Variants in CDH20 observed in about 807,000 individuals in gnomAD.
The protein encoded by CDH20 is cadherin-20.
In CDH20, 29 loss-of-function variants were observed where a neutral mutation model predicts 74.2. That is an observed-to-expected ratio of 0.39 (90% CI 0.29 to 0.53). The LOEUF is 0.53. Ranked by LOEUF, CDH20 falls within the 20% of genes least tolerant of loss-of-function variation. The pLI, the probability that CDH20 is intolerant of heterozygous loss-of-function variation, is 0.69. For synonymous variants in CDH20, 469 were observed against 405.4 expected (o/e 1.16, Z -1.88); for missense variants, 988 against 1,048.3 (o/e 0.94, Z 0.79).
At chr18:61,554,118 AGAC>A (rs1913533062) in intron 11 of CDH20, 69 bp from the exon 12 acceptor site, 1 of 1,539,842 alleles carries the variant, frequency 6.5e-7, no homozygotes, top group Non-Finnish European at 8.8e-7. Context: ...TGGTGAATCA[AGAC>A]TACTTCTAGT....
At chr18:61,442,004 C>T (rs1001945209) in intron 1 of CDH20, among the ~76,000 whole-genome samples, 1 of 152,084 alleles carries the variant, frequency 6.6e-6, no homozygotes, top group African/African-American at 2.4e-5. Flanking sequence ...TCTCTCAGTT[C>T]AGGACCCACA....
At chr18:61,464,892 A>G (rs1235937496) in intron 1 of CDH20, among the ~76,000 whole-genome samples, 1 of 152,226 alleles carries the variant, frequency 6.6e-6, no homozygotes, top group Non-Finnish European at 1.5e-5. Flanking sequence ...CATGGTCTAG[A>G]TGTGAATGAT....
chr18:61,528,936 T>C lies in CDH20; in HGVS notation c.1271+716T>C, dbSNP rs114870961. Reference sequence around the variant, plus strand: ...TCAGCAACTTCAATGCCTTGTAGACTGGCCAGACAGATGGGTCTTTGTATG... The same window carrying C: ...TCAGCAACTTCAATGCCTTGTAGACCGGCCAGACAGATGGGTCTTTGTATG... On this transcript the variant is annotated intron_variant, in intron 7 of 11. Transcript: ENST00000262717. 8.7e-3 allele frequency among the ~76,000 whole-genome samples: 1,329 copies of C among 152,336 alleles called. 25 individuals are homozygous for C. Among genetic ancestry groups the C allele is most frequent in the African/African-American group, 0.03 (1,264 of 41,574 alleles).
chr18:61,552,234 C>A (rs1913462264), intron 11 of CDH20, among the ~76,000 whole-genome samples: 1 of 151,534 alleles, frequency 6.6e-6, no homozygotes. Context: ...ATAAGCTCTA[C>A]GCACCGTGCC....
intron 1 of CDH20, among the ~76,000 whole-genome samples, chr18:61,445,766 A>T (rs1909180041): frequency 6.6e-6 from 1 of 152,218 alleles, no homozygotes; most frequent in African/African-American, 2.4e-5. Flanking sequence ...ATAATCATTT[A>T]TCTTTCTCAC....
intron 1 of CDH20, among the ~76,000 whole-genome samples, chr18:61,480,318 A>G (rs1910545117): frequency 6.6e-6 from 1 of 152,178 alleles, no homozygotes; most frequent in Admixed American, 6.5e-5. Context: ...TAATTTAGAA[A>G]GTTTATTTTG....
intron 1 of CDH20, among the ~76,000 whole-genome samples, chr18:61,466,671 A>G (rs944384706): frequency 6.6e-6 from 1 of 152,220 alleles, no homozygotes; most frequent in Non-Finnish European, 1.5e-5. Flanking sequence ...CTAACCTAGT[A>G]AAGTTTTGGG....
intron 1 of CDH20, among the ~76,000 whole-genome samples, chr18:61,418,951 A>G (rs921243099): frequency 4.6e-5 from 7 of 152,156 alleles, no homozygotes; most frequent in Non-Finnish European, 1.0e-4. Context: ...TTTTATTTGA[A>G]TTTGATAAAT....
intron 1 of CDH20, among the ~76,000 whole-genome samples, chr18:61,431,808 G>C (rs1177933663): frequency 6.6e-6 from 1 of 152,068 alleles, no homozygotes; most frequent in African/African-American, 2.4e-5. Context: ...CCTTTATCTG[G>C]TTTTTGTAGC....
Position 61,474,572 on chromosome 18 carries a change from G to A in CDH20, c.-152-15830G>A, listed in dbSNP as rs561966157. 1.1e-4 allele frequency among the ~76,000 whole-genome samples: 16 copies of A among 152,114 alleles called. No individual in the cohort carries two copies. In the East Asian group the frequency reaches 1.4e-3, roughly 13 times the overall value. On this transcript the variant is annotated intron_variant, in intron 1 of 11. Coordinates refer to ENST00000262717, the MANE Select transcript of CDH20 (RefSeq NM_031891.4). ...CGGGATTCTACTCTTTTAATATTGC[G>A]GTACAAGTGCCAAGATTCTCTTCAA...
chr18:61,476,877 A>T (rs1385483121), intron 1 of CDH20, among the ~76,000 whole-genome samples: 1 of 152,186 alleles, frequency 6.6e-6, no homozygotes, highest in African/African-American at 2.4e-5. Context: ...GTTAACATAG[A>T]ACTTCCCAAG....
At chr18:61,461,426 C>T (rs1227305847) in intron 1 of CDH20, among the ~76,000 whole-genome samples, 2 of 152,000 alleles carry the variant, frequency 1.3e-5, no homozygotes, top group African/African-American at 4.8e-5. Context: ...CCCTCCACAG[C>T]CACTAGGGGA....
chr18:61,538,253 C>G, intron 8 of CDH20, among the ~76,000 whole-genome samples: 1 of 152,198 alleles, frequency 6.6e-6, no homozygotes. Context: ...CAGTGCCACA[C>G]AGTATGCATC....
intron 1 of CDH20, among the ~76,000 whole-genome samples, chr18:61,356,584 CTTATTT>C (rs1186066796): frequency 6.6e-6 from 1 of 152,126 alleles, no homozygotes; most frequent in Non-Finnish European, 1.5e-5. Context: ...TACTTTGGTT[CTTATTT>C]TAATTCCCAA....
intron 1 of CDH20, among the ~76,000 whole-genome samples, chr18:61,399,706 T>C (rs1912096936): frequency 6.6e-6 from 1 of 152,196 alleles, no homozygotes; most frequent in Non-Finnish European, 1.5e-5. Context: ...ATGGAAAAAA[T>C]TTGCTTTCAG....
At chr18:61,461,086 G>T (rs1033827928) in intron 1 of CDH20, among the ~76,000 whole-genome samples, 5 of 152,022 alleles carry the variant, frequency 3.3e-5, no homozygotes, top group Non-Finnish European at 7.4e-5. Flanking sequence ...AGGTAAATTT[G>T]AGTCATCACA....
chr18:61,414,073 G>T (rs1912604001), intron 1 of CDH20, among the ~76,000 whole-genome samples: 1 of 152,078 alleles, frequency 6.6e-6, no homozygotes, highest in Non-Finnish European at 1.5e-5. Context: ...TCTTTTATTT[G>T]AATTCTTATG....
intron 8 of CDH20, 144 bp from the exon 9 acceptor site, chr18:61,538,880 C>A (rs1912926880): frequency 1.0e-5 from 8 of 779,968 alleles, no homozygotes; most frequent in Non-Finnish European, 1.7e-5. Context: ...GATCCTCCCG[C>A]CTCGGCCTCC....
intron 1 of CDH20, among the ~76,000 whole-genome samples, chr18:61,468,353 A>G (rs1244738407): frequency 6.6e-6 from 1 of 152,140 alleles, no homozygotes; most frequent in Non-Finnish European, 1.5e-5. Context: ...AAGATTCAAG[A>G]CATCAAGATA....
Sources: gnomAD v4.1 joint callset for allele counts (sites outside exome capture counted in the v4.1 genomes callset) on GRCh38, gnomAD v4.1.1 for gene constraint, MANE v1.5 for transcripts, NCBI Gene and HGNC (gene_info 2026-07-23, HGNC 2026-07-21) for gene names.